Variants in TACC2 observed in about 807,000 individuals in gnomAD.
The protein encoded by TACC2 is transforming acidic coiled-coil-containing protein 2.
TACC2 carries 137 observed loss-of-function variants against 227.3 expected under a neutral mutation model. The ratio of observed to expected loss-of-function variants is 0.60; its 90% CI spans 0.52 to 0.69. The LOEUF is 0.69. TACC2 is among the 30% of genes least tolerant of loss of function. The pLI is 0.00. For missense variants in TACC2, 3,470 were observed against 3,694.4 expected (o/e 0.94, Z 1.57); for synonymous variants, 1,523 against 1,487.5 (o/e 1.02, Z -0.55).
At chr10:122,154,136 T>A (rs529446215) in intron 7 of TACC2, among the ~76,000 whole-genome samples, 2 of 152,324 alleles carry the variant, frequency 1.3e-5, no homozygotes, top group South Asian at 2.1e-4. Flanking sequence ...TCTGCCTTTC[T>A]CGTCTGTGTC....
chr10:121,991,886 A>C (rs543245856), intron 1 of TACC2, among the ~76,000 whole-genome samples: 1 of 152,324 alleles, frequency 6.6e-6, no homozygotes, highest in African/African-American at 2.4e-5. Flanking sequence ...TCATGGCAGG[A>C]GGCAAGGAGG....
In TACC2 at chr10:122,215,429, C is replaced by T. The variant is rs1565655710; in HGVS notation, c.7322C>T (p.Pro2441Leu). The change falls in exon 10 of 23, where the codon CCT (proline) becomes CTT (leucine). Residue 2441 changes from proline (P) to leucine (L), a missense_variant. Physicochemically the swap from Pro to Leu is moderately conservative, Grantham distance 98. This residue lies in a region of TACC2 where 593 missense variants were observed against 636.6 expected (regional missense o/e 0.93). Coordinates refer to ENST00000369005, the MANE Select transcript of TACC2 (RefSeq NM_206862.4). ...FRVKKSPKRS[P>L]LSDPPSQDPT... Reference sequence around the variant, plus strand: ...GTGAAAAAGTCGCCAAAACGGTCTCCTCTCTCTGATCCACCTTCCCAGGTA... The same window carrying T: ...GTGAAAAAGTCGCCAAAACGGTCTCTTCTCTCTGATCCACCTTCCCAGGTA... The T allele has an allele frequency of 6.2e-7, 1 of 1,614,004 alleles. No homozygotes were observed. Among genetic ancestry groups the T allele is most frequent in the East Asian group, 2.2e-5 (1 of 44,854 alleles).
At chr10:122,230,614 T>G (rs936818212) in intron 16 of TACC2, among the ~76,000 whole-genome samples, 174 bp downstream of exon 16, 4 of 152,204 alleles carry the variant, frequency 2.6e-5, no homozygotes, top group Non-Finnish European at 5.9e-5. Context: ...AGCACATAGC[T>G]AAGATCCATT....
chr10:122,116,251 G>T (rs2084676742), intron 5 of TACC2, among the ~76,000 whole-genome samples: 2 of 152,184 alleles, frequency 1.3e-5, no homozygotes, highest in Non-Finnish European at 2.9e-5. Flanking sequence ...TGTAATGGAG[G>T]TGTCATTTCA....
chr10:122,181,283 C>A (rs2093963734), intron 7 of TACC2, among the ~76,000 whole-genome samples: 1 of 152,190 alleles, frequency 6.6e-6, no homozygotes, highest in South Asian at 2.1e-4. Flanking sequence ...AAGAAAATCA[C>A]ATTCTTTTTG....
At chr10:121,997,489 T>C (rs1953680823) in intron 1 of TACC2, among the ~76,000 whole-genome samples, 1 of 152,204 alleles carries the variant, frequency 6.6e-6, no homozygotes, top group Non-Finnish European at 1.5e-5. Context: ...TAAGCCAGAA[T>C]CTACCCTTAG....
At chr10:122,032,380 G>A (rs183247350) in intron 2 of TACC2, among the ~76,000 whole-genome samples, 59 of 152,280 alleles carry the variant, frequency 3.9e-4, no homozygotes, top group African/African-American at 1.4e-3. Context: ...CACCTCAGGA[G>A]ACTCTTGACT....
At chr10:122,228,717 A>G (rs1205657894) in intron 14 of TACC2, among the ~76,000 whole-genome samples, 1 of 152,146 alleles carries the variant, frequency 6.6e-6, no homozygotes, top group Admixed American at 6.5e-5. Context: ...TCTCTTGTGC[A>G]TCAAATGTTT....
Position 122,238,001 on chromosome 10 carries a change from A to G in TACC2, c.8312A>G (p.Lys2771Arg), listed in dbSNP as rs747603637. 9 of 1,614,156 alleles carry G rather than the reference A, an allele frequency of 5.6e-6. No homozygotes were observed. The South Asian group carries it at 6.6e-5, about 12-fold the overall frequency. Reference sequence around the variant, plus strand: ...AGAGAGGTCTCAGAATGGAAAGATAAATATGAAGAAAGCAGGCGGGAAGTG... The same window carrying G: ...AGAGAGGTCTCAGAATGGAAAGATAGATATGAAGAAAGCAGGCGGGAAGTG... ...KEREVSEWKD[K>R]YEESRREVME... The change falls in exon 18 of 23, where the codon AAA becomes AGA. Residue 2771 changes from lysine to arginine, a missense_variant. By Grantham distance (26) the Lys-to-Arg change is conservative. Coordinates refer to ENST00000369005, the MANE Select transcript of TACC2 (RefSeq NM_206862.4).
chr10:122,236,513 T>C lies in TACC2; in HGVS notation c.8128-882T>C, dbSNP rs2095859414. On this transcript the variant is annotated intron_variant, in intron 16 of 22. Coordinates refer to ENST00000369005, the MANE Select transcript of TACC2 (RefSeq NM_206862.4). ...ACAACCCGGCTGTGCTGGTCAGTGA[T>C]GCTGCTAACACCGCATTTCAACTGT... Among the ~76,000 whole-genome samples the C allele has an allele frequency of 2.6e-5, 4 of 152,372 alleles. No individual in the cohort carries two copies. The South Asian group carries it at 8.3e-4, about 32-fold the overall frequency.
At chr10:122,163,548 C>A in intron 7 of TACC2, 1 of 990,574 alleles carries the variant, frequency 1.0e-6, no homozygotes, top group Non-Finnish European at 1.2e-6. Flanking sequence ...TGGGGCTGCT[C>A]GGCGATGATG....
intron 14 of TACC2, among the ~76,000 whole-genome samples, chr10:122,228,701 G>A (rs1426247912): frequency 2.0e-5 from 3 of 152,094 alleles, no homozygotes; most frequent in Non-Finnish European, 4.4e-5. Flanking sequence ...GTGTTAGTAG[G>A]CCATTTCTCT....
At chr10:122,033,027 C>G in intron 2 of TACC2, 2 of 1,026,792 alleles carry the variant, frequency 1.9e-6, no homozygotes, top group African/African-American at 3.3e-5. Flanking sequence ...ACAAAAACAC[C>G]AAAGATTGTC....
intron 18 of TACC2, among the ~76,000 whole-genome samples, chr10:122,240,786 G>C (rs1430408925): frequency 6.6e-6 from 1 of 152,298 alleles, no homozygotes; most frequent in African/African-American, 2.4e-5. Context: ...TTTTTGAGAA[G>C]TTTCTTCCAG....
chr10:122,130,522 TC>T (rs1241844090), intron 5 of TACC2, among the ~76,000 whole-genome samples: 2 of 151,934 alleles, frequency 1.3e-5, no homozygotes, highest in African/African-American at 4.8e-5. Flanking sequence ...CTTCAACTGA[TC>T]CTCCAGCCTC....
intron 22 of TACC2, among the ~76,000 whole-genome samples, 165 bp downstream of exon 22, chr10:122,249,829 T>C (rs771138450): frequency 3.3e-5 from 5 of 152,250 alleles, no homozygotes; most frequent in Non-Finnish European, 5.9e-5. Context: ...TCCAATTTCA[T>C]GCCAGCCCTA....
At chr10:122,144,497 T>G (rs1325126643) in intron 7 of TACC2, among the ~76,000 whole-genome samples, 1 of 152,210 alleles carries the variant, frequency 6.6e-6, no homozygotes, top group Admixed American at 6.5e-5. Context: ...CTGGGTGTGC[T>G]GAGAACGGCA....
At chr10:122,073,664 C>T (rs1230548814) in intron 3 of TACC2, among the ~76,000 whole-genome samples, 1 of 152,200 alleles carries the variant, frequency 6.6e-6, no homozygotes, top group African/African-American at 2.4e-5. Flanking sequence ...TTCTTGTTGA[C>T]TCACGAGGCA....
chr10:122,014,067 A>C (rs1956258320), intron 1 of TACC2, among the ~76,000 whole-genome samples: 1 of 152,206 alleles, frequency 6.6e-6, no homozygotes, highest in Admixed American at 6.5e-5. Flanking sequence ...GAGAATAAAA[A>C]CTCTAATAGA....
Sources: allele counts gnomAD v4.1 joint callset (sites outside exome capture counted in the v4.1 genomes callset), GRCh38; gene constraint gnomAD v4.1.1; regional missense constraint gnomAD v4.1.1; transcripts MANE v1.5; gene names NCBI Gene and HGNC (gene_info 2026-07-23, HGNC 2026-07-21).